Variants in PTK2 observed in about 807,000 individuals in gnomAD.
PTK2 encodes the protein protein tyrosine kinase 2.
In PTK2, 45 loss-of-function variants were observed where a neutral mutation model predicts 150.1. The ratio of observed to expected loss-of-function variants is 0.30; its 90% confidence interval spans 0.24 to 0.38. The LOEUF is 0.38. PTK2 is among the 10% of genes least tolerant of loss of function. The pLI is 1.00. For missense variants in PTK2, 919 were observed against 1,307.3 expected (o/e 0.70, Z 4.58); for synonymous variants, 432 against 449.2 (o/e 0.96, Z 0.48).
At chr8:140,691,098 T>C (rs1444498451) in intron 26 of PTK2, among the ~76,000 whole-genome samples, 2 of 152,090 alleles carry the variant, frequency 1.3e-5, no homozygotes, top group African/African-American at 4.8e-5. Context: ...CCCTCATAAA[T>C]AGGCTGTAGA....
intron 28 of PTK2, among the ~76,000 whole-genome samples, chr8:140,674,913 GA>G (rs927128233): frequency 6.9e-6 from 1 of 144,438 alleles, no homozygotes; most frequent in Non-Finnish European, 1.5e-5. Flanking sequence ...GAAAAGAAAA[GA>G]AAAAAAAATT....
At chr8:140,700,759 A>C in intron 26 of PTK2, 132 bp downstream of exon 29, 3 of 1,259,592 alleles carry the variant, frequency 2.4e-6, no homozygotes, top group Non-Finnish European at 2.2e-6. Context: ...TGCCTGGCCT[A>C]TTCCAAGTTT....
chr8:140,963,507 CA>C (rs1296405982), intron 1 of PTK2, among the ~76,000 whole-genome samples: 1 of 152,158 alleles, frequency 6.6e-6, no homozygotes, highest in Non-Finnish European at 1.5e-5. Flanking sequence ...CCATTTAATT[CA>C]AGTTACAGTG....
intron 23 of PTK2, among the ~76,000 whole-genome samples, chr8:140,715,573 C>T (rs192655813): frequency 3.4e-4 from 51 of 152,172 alleles, no homozygotes; most frequent in African/African-American, 1.2e-3. Context: ...GCCACAACTG[C>T]TCATTTATGC....
At chr8:140,966,475 G>GC (rs1167786948) in intron 1 of PTK2, among the ~76,000 whole-genome samples, 21 of 151,842 alleles carry the variant, frequency 1.4e-4, no homozygotes, top group Non-Finnish European at 1.0e-4. Flanking sequence ...TCCTGTTTTA[G>GC]CAACAGGCAA....
intron 2 of PTK2, among the ~76,000 whole-genome samples, chr8:140,895,469 T>G (rs1456063760): frequency 6.6e-6 from 1 of 151,958 alleles, no homozygotes; most frequent in Non-Finnish European, 1.5e-5. Flanking sequence ...CTGCAGCAAG[T>G]TATGACTGCA....
At chr8:140,768,448 G>C (rs964387425) in intron 14 of PTK2, among the ~76,000 whole-genome samples, 6 of 152,200 alleles carry the variant, frequency 3.9e-5, no homozygotes, top group African/African-American at 1.4e-4. Context: ...AACCACTTGA[G>C]ACCTTTCCCA....
At chr8:140,971,731 G>A (rs1040207923) in intron 1 of PTK2, among the ~76,000 whole-genome samples, 2 of 152,190 alleles carry the variant, frequency 1.3e-5, no homozygotes, top group Admixed American at 6.5e-5. Flanking sequence ...TCTCGTATGT[G>A]AAAGTTAAAA....
chr8:140,709,676 T>C (rs1405238141), intron 23 of PTK2, among the ~76,000 whole-genome samples: 1 of 152,224 alleles, frequency 6.6e-6, no homozygotes, highest in Non-Finnish European at 1.5e-5. Context: ...ATGGCTTTCA[T>C]ATGAGTCCAA....
intron 14 of PTK2, among the ~76,000 whole-genome samples, chr8:140,771,627 G>C (rs1372925613): frequency 6.6e-6 from 1 of 152,140 alleles, no homozygotes; most frequent in Non-Finnish European, 1.5e-5. Context: ...AGAAAGATCA[G>C]AAGTATGGAC....
intron 1 of PTK2, among the ~76,000 whole-genome samples, chr8:140,936,956 T>C (rs1288502204): frequency 6.6e-6 from 1 of 152,172 alleles, no homozygotes; most frequent in Non-Finnish European, 1.5e-5. Context: ...TACTGCTCTT[T>C]TGGGATACGG....
chr8:140,868,665 A>T (rs2100140794), intron 4 of PTK2, among the ~76,000 whole-genome samples: 1 of 152,228 alleles, frequency 6.6e-6, no homozygotes, highest in African/African-American at 2.4e-5. Flanking sequence ...TCTTGACTGC[A>T]GCCGTTTTGC....
At chr8:140,705,161 A>G (rs1027897881) in intron 24 of PTK2, among the ~76,000 whole-genome samples, 3 of 152,196 alleles carry the variant, frequency 2.0e-5, no homozygotes, top group Admixed American at 6.5e-5. Context: ...TACCACTGAC[A>G]TATCTTTTCC....
In PTK2 at chr8:140,793,392, G is replaced by GAAAAA. The variant is rs1566507325; in HGVS notation, c.1094-13_1094-9dup. 2 of 1,608,582 alleles carry GAAAAA rather than the reference G, an allele frequency of 1.2e-6. No individual in the cohort carries two copies. Among genetic ancestry groups the GAAAAA allele is most frequent in the East Asian group, 4.5e-5 (2 of 44,668 alleles). ...GCAAAGCCCGTTCACCTTCTGCGGG[G>GAAAAA]AAAAAGAAAAGAGATGCATAAGGCT... On this transcript the variant is annotated splice_polypyrimidine_tract_variant and intron_variant, in intron 12 of 31. Transcript: ENST00000522684.
chr8:140,683,522 G>A (rs1564299158), intron 27 of PTK2, among the ~76,000 whole-genome samples: 1 of 152,068 alleles, frequency 6.6e-6, no homozygotes, highest in Non-Finnish European at 1.5e-5. Context: ...ATCATTCTGA[G>A]TCCCAAACCT....
intron 1 of PTK2, among the ~76,000 whole-genome samples, chr8:140,962,361 G>A (rs1006174919): frequency 6.6e-6 from 1 of 152,154 alleles, no homozygotes; most frequent in Non-Finnish European, 1.5e-5. Context: ...TGTTTTGTGT[G>A]GCAATGAAGA....
intron 27 of PTK2, among the ~76,000 whole-genome samples, chr8:140,681,313 A>C (rs1382557310): frequency 1.3e-5 from 2 of 151,580 alleles, no homozygotes; most frequent in Non-Finnish European, 2.9e-5. Flanking sequence ...AGATCCTGCC[A>C]CTGCACTCCA....
chr8:140,833,337 G>C (rs561205014), intron 7 of PTK2, among the ~76,000 whole-genome samples: 3 of 152,002 alleles, frequency 2.0e-5, no homozygotes, highest in Non-Finnish European at 4.4e-5. Flanking sequence ...AGTACACAAG[G>C]TCATGGTAAA....
chr8:140,704,298 T>C (rs942184810), intron 24 of PTK2, among the ~76,000 whole-genome samples: 1 of 152,194 alleles, frequency 6.6e-6, no homozygotes, highest in Non-Finnish European at 1.5e-5. Context: ...AGAGGAGAAT[T>C]TGGGCTTGGG....
Sources: allele counts gnomAD v4.1 joint callset (sites outside exome capture counted in the v4.1 genomes callset), GRCh38; gene constraint gnomAD v4.1.1; transcripts MANE v1.5; gene names NCBI Gene and HGNC (gene_info 2026-07-23, HGNC 2026-07-21).